Variants in SEMA3E observed in about 807,000 individuals in gnomAD.
The protein encoded by SEMA3E is semaphorin 3E, also known as semaphorin-3E.
SEMA3E carries 49 observed loss-of-function variants against 93.6 expected under a neutral mutation model. The observed-to-expected ratio is 0.52, with a 90% CI of 0.42 to 0.66. SEMA3E has a LOEUF of 0.66. Among genes scored for constraint, SEMA3E ranks in the 30% least tolerant of loss-of-function variants. The pLI is 0.00. For missense variants in SEMA3E, 906 were observed against 964.8 expected, an observed-to-expected ratio of 0.94 and a Z score of 0.81; for synonymous variants, 363 against 330.7, an observed-to-expected ratio of 1.10 and a Z score of -1.06.
intron 5 of SEMA3E, among the ~76,000 whole-genome samples, chr7:83,415,757 G>A (rs150306471): frequency 9.2e-5 from 14 of 152,088 alleles, no homozygotes; most frequent in Non-Finnish European, 1.9e-4. Flanking sequence ...GCAGCTTTAT[G>A]AGTATGCTAC....
At chr7:83,522,631 G>T (rs1437486437) in intron 1 of SEMA3E, among the ~76,000 whole-genome samples, 2 of 151,948 alleles carry the variant, frequency 1.3e-5, no homozygotes, top group African/African-American at 4.8e-5. Flanking sequence ...TCATTTTAGG[G>T]TCTTTTTGGG....
chr7:83,372,862 A>C (rs1794768421), intron 16 of SEMA3E: 1 of 152,134 alleles, frequency 6.6e-6, no homozygotes, highest in Non-Finnish European at 1.5e-5. Context: ...AAAATATAAA[A>C]TGACTTAGAA....
chr7:83,414,565 T>A (rs114988082), intron 5 of SEMA3E, among the ~76,000 whole-genome samples: 1 of 151,942 alleles, frequency 6.6e-6, no homozygotes, highest in Non-Finnish European at 1.5e-5. Flanking sequence ...AAAAAAGTAA[T>A]AGAAAAAAAG....
chr7:83,494,805 A>T (rs1790455217), intron 1 of SEMA3E, among the ~76,000 whole-genome samples: 2 of 151,954 alleles, frequency 1.3e-5, no homozygotes, highest in Non-Finnish European at 2.9e-5. Context: ...CCACAGTGTG[A>T]CAATAGCTCC....
intron 1 of SEMA3E, among the ~76,000 whole-genome samples, chr7:83,633,777 G>T (rs1423372148): frequency 1.3e-5 from 2 of 152,076 alleles, no homozygotes; most frequent in Non-Finnish European, 2.9e-5. Context: ...AAAAAAAATA[G>T]TCATTGAGGA....
chr7:83,647,626 CA>C (rs1404819144), intron 1 of SEMA3E, among the ~76,000 whole-genome samples: 1 of 152,092 alleles, frequency 6.6e-6, no homozygotes, highest in Admixed American at 6.5e-5. Context: ...GGTCCTGATG[CA>C]AAATCTATCT....
chr7:83,599,480 T>C (rs1246544113), intron 1 of SEMA3E, among the ~76,000 whole-genome samples: 1 of 152,194 alleles, frequency 6.6e-6, no homozygotes, highest in African/African-American at 2.4e-5. Flanking sequence ...TGCTCCAAAG[T>C]TGACTTGTAG....
At chr7:83,580,681 T>C (rs2115905428) in intron 1 of SEMA3E, among the ~76,000 whole-genome samples, 1 of 152,140 alleles carries the variant, frequency 6.6e-6, no homozygotes, top group South Asian at 2.1e-4. Context: ...ATAAATTTCT[T>C]TTCCATGCTT....
intron 1 of SEMA3E, among the ~76,000 whole-genome samples, chr7:83,547,368 T>C (rs1304570170): frequency 6.6e-6 from 1 of 152,086 alleles, no homozygotes; most frequent in Non-Finnish European, 1.5e-5. Flanking sequence ...GAATCATTGC[T>C]CTATAAACTT....
intron 1 of SEMA3E, among the ~76,000 whole-genome samples, chr7:83,638,627 A>G (rs1263652800): frequency 6.6e-6 from 1 of 152,210 alleles, no homozygotes; most frequent in African/African-American, 2.4e-5. Flanking sequence ...GAATCTAAGT[A>G]TATTTATCAA....
rs142288835 is a variant in SEMA3E, at chr7:83,538,736, A to G, written c.116-48462T>C. 1.5e-3 allele frequency among the ~76,000 whole-genome samples: 230 copies of G among 152,280 alleles called. 2 individuals are homozygous for G. Among genetic ancestry groups the G allele is most frequent in the African/African-American group, 5.4e-3 (224 of 41,554 alleles). ...TTGTTGTTTGCTTAGTTATCTTTGT[A>G]CTTCTCACAACTATATCCCAGAACT... On this transcript the variant is annotated intron_variant, in intron 1 of 16. Coordinates refer to ENST00000643230, the MANE Select transcript of SEMA3E (RefSeq NM_012431.3).
At chr7:83,465,562 A>G (rs1789737763) in intron 4 of SEMA3E, among the ~76,000 whole-genome samples, 2 of 152,208 alleles carry the variant, frequency 1.3e-5, no homozygotes, top group Non-Finnish European at 2.9e-5. Flanking sequence ...TGTTCTTTGT[A>G]TGTGGTGGCT....
chr7:83,567,851 A>T (rs1165442351), intron 1 of SEMA3E, among the ~76,000 whole-genome samples: 1 of 152,048 alleles, frequency 6.6e-6, no homozygotes, highest in Non-Finnish European at 1.5e-5. Flanking sequence ...AAAGAACTAA[A>T]AAAGCAATAT....
At chr7:83,445,560 A>G (rs903151007) in intron 4 of SEMA3E, among the ~76,000 whole-genome samples, 24 of 152,116 alleles carry the variant, frequency 1.6e-4, no homozygotes, top group African/African-American at 5.6e-4. Context: ...CCTACTAATA[A>G]TACAAAAATT....
chr7:83,604,511 CAT>C (rs1486774169), intron 1 of SEMA3E, among the ~76,000 whole-genome samples: 1 of 133,990 alleles, frequency 7.5e-6, no homozygotes, highest in African/African-American at 3.0e-5. Flanking sequence ...TGTGTGTGTA[CAT>C]ATATATACAT....
At chr7:83,563,853 A>T (rs1207668616) in intron 1 of SEMA3E, among the ~76,000 whole-genome samples, 2 of 152,168 alleles carry the variant, frequency 1.3e-5, no homozygotes, top group Non-Finnish European at 2.9e-5. Flanking sequence ...AAAGCTGTTG[A>T]TCCACTCCAA....
intron 1 of SEMA3E, among the ~76,000 whole-genome samples, chr7:83,530,064 G>A (rs531977716): frequency 1.3e-5 from 2 of 152,082 alleles, no homozygotes; most frequent in South Asian, 2.1e-4. Flanking sequence ...TTTCTAGGCC[G>A]TGGGCATAAT....
intron 1 of SEMA3E, among the ~76,000 whole-genome samples, chr7:83,514,676 T>A (rs1790892047): frequency 6.6e-6 from 1 of 152,140 alleles, no homozygotes; most frequent in South Asian, 2.1e-4. Flanking sequence ...AATTGGAAAG[T>A]ATCCAAATTG....
At chr7:83,549,454 C>A (rs1791715811) in intron 1 of SEMA3E, among the ~76,000 whole-genome samples, 1 of 152,108 alleles carries the variant, frequency 6.6e-6, no homozygotes, top group African/African-American at 2.4e-5. Flanking sequence ...TTTTCCTTTA[C>A]ACACAAACAT....
Sources: allele counts gnomAD v4.1 joint callset (sites outside exome capture counted in the v4.1 genomes callset), GRCh38; gene constraint gnomAD v4.1.1; transcripts MANE v1.5; gene names NCBI Gene and HGNC (gene_info 2026-07-23, HGNC 2026-07-21).